Variants in LHX2 observed in about 807,000 individuals in gnomAD.
LHX2 encodes the protein LIM/homeobox protein Lhx2.
A neutral mutation model predicts 33.0 loss-of-function variants in LHX2; 6 were observed. The observed-to-expected ratio is 0.18, with a 90% CI of 0.10 to 0.36. The LOEUF (loss-of-function observed/expected upper bound fraction) is 0.36, where lower values mean the gene tolerates loss of function less well. Among genes scored for constraint, LHX2 ranks in the 10% least tolerant of loss-of-function variants. LHX2 has a pLI of 1.00. For synonymous variants in LHX2, 292 were observed against 253.1 expected (o/e 1.15, Z -1.46); for missense variants, 442 against 586.2 (o/e 0.75, Z 2.54).
In LHX2 at chr9:124,012,371, G is replaced by A; in HGVS notation, c.23G>A (p.Gly8Asp). 1 of 1,526,248 alleles carries A rather than the reference G, an allele frequency of 6.6e-7. No homozygotes were observed. Among genetic ancestry groups the A allele is most frequent in the Non-Finnish European group, 8.8e-7 (1 of 1,141,418 alleles). 94.5% of individuals were successfully genotyped at this position (1,526,248 alleles called of 1,614,324 possible). Reference sequence around the variant, plus strand: ...GCGATGCTGTTCCACAGTCTGTCGGGCCCCGAGGTGCACGGGGTCATCGAC... The same window carrying A: ...GCGATGCTGTTCCACAGTCTGTCGGACCCCGAGGTGCACGGGGTCATCGAC... MLFHSLS[G>D]PEVHGVIDEM... is the part of the protein sequence containing the mutation. The change falls in exon 1 of 5, where the codon GGC (glycine) becomes GAC (aspartate). Residue 8 changes from glycine (G) to aspartate (D), a missense_variant. Coordinates refer to ENST00000373615, the MANE Select transcript of LHX2 (RefSeq NM_004789.4). This position sits in a 1 kb window ranked among gnomAD's most constrained non-coding sequence, Gnocchi z 4.3.
rs75305521 is a variant in LHX2 at position 124,013,822 on chromosome 9, G to A, written c.121-139G>A. On this transcript the variant is annotated intron_variant, in intron 1 of 4. Coordinates refer to ENST00000373615, the MANE Select transcript of LHX2 (RefSeq NM_004789.4). ...TGGGCCTTTTGGGGTGGGGGGAAGC[G>A]CGCCGCATGTCCTGGCAGCCCCCTC... is the stretch of plus-strand genomic sequence containing the variant. 5.3e-4 allele frequency: 396 copies of A among 741,604 alleles called. 1 individual carries two copies. The South Asian group carries it at 6.4e-3, about 12-fold the overall frequency. The allele number at this position is 741,604 out of a possible 1,614,324, so 45.9% of individuals were successfully genotyped here. A position where few individuals can be genotyped will look rare whatever the true frequency, so the allele number is the denominator to read the frequency against.
At chr9:124,024,835 G>A (rs1828584192) in intron 4 of LHX2, among the ~76,000 whole-genome samples, 1 of 152,218 alleles carries the variant, frequency 6.6e-6, no homozygotes, top group Non-Finnish European at 1.5e-5. Context: ...GCTAGTAAGT[G>A]ATGAAGCCAG....
chr9:124,024,121 T>A (rs1218625395), intron 4 of LHX2, among the ~76,000 whole-genome samples: 1 of 152,246 alleles, frequency 6.6e-6, no homozygotes, highest in African/African-American at 2.4e-5. Flanking sequence ...GTGAGTTTCA[T>A]TTAGGGTCTG....
In LHX2 at chr9:124,016,083, C is replaced by A. The variant is rs1859185263; in HGVS notation, c.727+558C>A. ...AAAGGCTGCGGTTCCTTTTGCTCGG[C>A]CCGATCCTCCTTTAAAGACAGGTCT... is the stretch of plus-strand genomic sequence containing the variant. On this transcript the variant is annotated intron_variant, in intron 3 of 4. Coordinates refer to ENST00000373615, the MANE Select transcript of LHX2 (RefSeq NM_004789.4). This position sits in a 1 kb window ranked among gnomAD's most constrained non-coding sequence, Gnocchi z 4.4. Among the ~76,000 whole-genome samples, 1 of 152,382 alleles carries A rather than the reference C, an allele frequency of 6.6e-6. No homozygotes were observed. The highest frequency in any genetic ancestry group is 1.9e-4 in the East Asian group (1 of 5,186).
chr9:124,025,672 AACC>A lies in LHX2; in HGVS notation c.933+4373_933+4375del, dbSNP rs1828608657. ...GTGACTTTGGAAGAAAACACATTTT[AACC>A]ACCAACAGCTTAAAAACCATCTTTC... is the stretch of plus-strand genomic sequence containing the variant. On this transcript the variant is annotated intron_variant, in intron 4 of 4. Transcript: ENST00000373615. Among the ~76,000 whole-genome samples the A allele has an allele frequency of 3.9e-5, 6 of 152,142 alleles. No homozygotes were observed. In the South Asian group the frequency reaches 1.2e-3, roughly 32 times the overall value.
rs1859194848 is a variant in LHX2 at position 124,016,602 on chromosome 9, C to T, written c.727+1077C>T. On this transcript the variant is annotated intron_variant, in intron 3 of 4. Transcript: ENST00000373615. The surrounding 1 kb of genome is among the most constrained non-coding windows in gnomAD (Gnocchi z 4.4). The stretch of plus-strand genomic sequence containing the variant: ...AGAGGGTGCTACGGCGGGAAGAAGT[C>T]AGTTATTTTCATCTTAAAGAATCTG... 6.6e-6 allele frequency among the ~76,000 whole-genome samples: 1 copy of T among 151,942 alleles called. No individual in the cohort carries two copies. Among genetic ancestry groups the T allele is most frequent in the Admixed American group, 6.6e-5 (1 of 15,254 alleles).
intron 4 of LHX2, among the ~76,000 whole-genome samples, chr9:124,026,966 A>C (rs1828635600): frequency 6.6e-6 from 1 of 152,162 alleles, no homozygotes; most frequent in Admixed American, 6.6e-5. Context: ...TCTACCACCC[A>C]GGTGGGTGAT....
chr9:124,024,533 T>C (rs1035249654), intron 4 of LHX2, among the ~76,000 whole-genome samples: 1 of 152,252 alleles, frequency 6.6e-6, no homozygotes, highest in Admixed American at 6.5e-5. Flanking sequence ...TTCTCCTCTC[T>C]GAGCCTGATG....
chr9:124,032,950 G>A lies in LHX2; in HGVS notation c.*243G>A. On this transcript the variant is annotated 3_prime_UTR_variant, in exon 5 of 5. Coordinates refer to ENST00000373615, the MANE Select transcript of LHX2 (RefSeq NM_004789.4). This position sits in a 1 kb window ranked among gnomAD's most constrained non-coding sequence, Gnocchi z 4.1. ...GTCACTGTACAGTTTTGTGGACTGAGCGAGGAAAAACAACAAATAATTTAA... is the reference window on the plus strand; with the variant it reads ...GTCACTGTACAGTTTTGTGGACTGAACGAGGAAAAACAACAAATAATTTAA... The A allele has an allele frequency of 7.8e-6, 3 of 386,622 alleles. No individual in the cohort carries two copies. Among genetic ancestry groups the A allele is most frequent in the East Asian group, 8.1e-5 (2 of 24,660 alleles). The allele number at this position is 386,622 out of a possible 1,614,324, so 23.9% of individuals were successfully genotyped here.
intron 1 of LHX2, among the ~76,000 whole-genome samples, chr9:124,013,145 C>T (rs957128545): frequency 6.6e-6 from 1 of 152,228 alleles, no homozygotes; most frequent in African/African-American, 2.4e-5. Flanking sequence ...CCCTGGGGGC[C>T]AGACGAGCAG....
intron 4 of LHX2, among the ~76,000 whole-genome samples, chr9:124,025,666 C>CATTTTAACCACCAACAGCTTA (rs1828608601): frequency 6.6e-6 from 1 of 152,080 alleles, no homozygotes; most frequent in African/African-American, 2.4e-5. Context: ...GAAGAAAACA[C>CATTTTAACCACCAACAGCTTA]ATTTTAACCA....
intron 1 of LHX2, among the ~76,000 whole-genome samples, chr9:124,013,165 G>C (rs553665761): frequency 2.0e-4 from 30 of 152,342 alleles, no homozygotes; most frequent in Non-Finnish European, 3.4e-4. Context: ...GACACTGCCC[G>C]ACCAGCGGGC....
Position 124,016,099 on chromosome 9 carries a change from A to T in LHX2, c.727+574A>T, listed in dbSNP as rs1859185653. 6.6e-6 allele frequency among the ~76,000 whole-genome samples: 1 copy of T among 152,216 alleles called. No individual in the cohort carries two copies. The highest frequency in any genetic ancestry group is 1.5e-5 in the Non-Finnish European group (1 of 68,032). On this transcript the variant is annotated intron_variant, in intron 3 of 4. Coordinates refer to ENST00000373615, the MANE Select transcript of LHX2 (RefSeq NM_004789.4). The surrounding 1 kb of genome is among the most constrained non-coding windows in gnomAD (Gnocchi z 4.4). ...TTTGCTCGGCCCGATCCTCCTTTAA[A>T]GACAGGTCTCAGTTTTCCCGGACTT...
chr9:124,017,331 C>T (rs1269714834), intron 3 of LHX2, among the ~76,000 whole-genome samples: 1 of 152,200 alleles, frequency 6.6e-6, no homozygotes, highest in Non-Finnish European at 1.5e-5. Flanking sequence ...TTCGGTGCGC[C>T]GGCGGTGGCT....
In LHX2 at chr9:124,014,528, A is replaced by C. The variant is rs114973889; in HGVS notation, c.323+365A>C. ...AGGCACCCCCAAACCTAGGCAGCCC[A>C]AGCTGGAGTGAAACACAGCTGGAAA... On this transcript the variant is annotated intron_variant, in intron 2 of 4. Transcript: ENST00000373615. This position sits in a 1 kb window ranked among gnomAD's most constrained non-coding sequence, Gnocchi z 4.8. Among the ~76,000 whole-genome samples, 2,348 of 152,264 alleles carry C rather than the reference A, an allele frequency of 0.015. 55 individuals carry two copies. Among genetic ancestry groups the C allele is most frequent in the African/African-American group, 0.054 (2,239 of 41,544 alleles).
At chr9:124,020,765 A>G (rs183894429) in intron 3 of LHX2, among the ~76,000 whole-genome samples, 1 of 152,168 alleles carries the variant, frequency 6.6e-6, no homozygotes, top group Non-Finnish European at 1.5e-5. Flanking sequence ...CTGGAGTTCA[A>G]TCGGCCATCA....
chr9:124,018,045 T>G (rs1236316030), intron 3 of LHX2, among the ~76,000 whole-genome samples: 3 of 151,542 alleles, frequency 2.0e-5, no homozygotes, highest in East Asian at 1.9e-4. Context: ...CCCCAGCTTT[T>G]TGTGTGTGTG....
intron 4 of LHX2, among the ~76,000 whole-genome samples, chr9:124,023,610 A>C (rs1828554855): frequency 6.6e-6 from 1 of 152,222 alleles, no homozygotes; most frequent in African/African-American, 2.4e-5. Flanking sequence ...GATTAAATGA[A>C]ATGAAGAGTA....
intron 3 of LHX2, among the ~76,000 whole-genome samples, chr9:124,018,744 C>T (rs781339172): frequency 2.6e-5 from 4 of 152,210 alleles, no homozygotes; most frequent in African/African-American, 4.8e-5. Flanking sequence ...CTTTCTTTTC[C>T]TCTGTCTGTC....
Sources: allele counts gnomAD v4.1 joint callset (sites outside exome capture counted in the v4.1 genomes callset), GRCh38; gene constraint gnomAD v4.1.1; non-coding constraint Gnocchi (gnomAD v3.1); transcripts MANE v1.5; gene names NCBI Gene and HGNC (gene_info 2026-07-23, HGNC 2026-07-21).